Variants in MUS81 observed in about 807,000 individuals in gnomAD.
The protein encoded by MUS81 is structure-specific endonuclease subunit MUS81.
MUS81 carries 69 observed loss-of-function variants against 74.2 expected under a neutral mutation model. That is an observed-to-expected ratio of 0.93 (90% CI 0.77 to 1.14). MUS81 has a LOEUF of 1.14. Among genes scored for constraint, MUS81 ranks in the 50% most tolerant of loss-of-function variants. The probability of loss-of-function intolerance (pLI) is 0.00; values close to 1 mark genes in which losing one functional copy is unlikely to be tolerated. For missense variants in MUS81, 711 were observed against 726.5 expected (o/e 0.98, Z 0.25); for synonymous variants, 303 against 300.6 (o/e 1.01, Z -0.08).
At chr11:65,861,825 T>C (rs1859618037) in intron 3 of MUS81, 122 bp from the exon 4 acceptor site, 1 of 786,802 alleles carries the variant, frequency 1.3e-6, no homozygotes, top group African/African-American at 1.7e-5. Context: ...ACCTGGCCCA[T>C]TTTACAGAGA....
Position 65,862,347 on chromosome 11 carries a change from G to A in MUS81, c.519+68G>A, listed in dbSNP as rs1183613343. 9 of 1,594,612 alleles carry A rather than the reference G, an allele frequency of 5.6e-6. No homozygotes were observed. The Admixed American group carries it at 1.3e-4, about 24-fold the overall frequency. Reference sequence around the variant, plus strand: ...GGCCCACCAAAGACTGCCTTTTCTTGCAGTGGGCCCATGTGTGGCCCATGG... The same window carrying A: ...GGCCCACCAAAGACTGCCTTTTCTTACAGTGGGCCCATGTGTGGCCCATGG... On this transcript the variant is annotated intron_variant, in intron 5 of 15. Transcript: ENST00000308110.
chr11:65,860,845 A>T lies in MUS81; in HGVS notation c.92A>T (p.Glu31Val). 6.5e-7 allele frequency: 1 copy of T among 1,544,120 alleles called. No individual in the cohort carries two copies. The highest frequency in any genetic ancestry group is 8.7e-7 in the Non-Finnish European group (1 of 1,147,042). The change falls in exon 1 of 16, where the codon GAG (glutamate) becomes GTG (valine). Residue 31 changes from glutamate to valine, a missense_variant. Transcript: ENST00000308110. The part of the protein sequence containing the change: ...FVRWLTEWRD[E>V]ATRSRRRTRF... ...CGCTGGCTGACCGAGTGGCGGGACG[A>T]GGCGACCCGCAGCAGGCGCCGCACG... is the stretch of plus-strand genomic sequence containing the variant.
At chr11:65,861,144 C>T in intron 2 of MUS81, 42 bp downstream of exon 2, 1 of 1,610,124 alleles carries the variant, frequency 6.2e-7, no homozygotes, top group Non-Finnish European at 8.5e-7. Context: ...CCACCTCCCC[C>T]AGGTGGAGCC....
intron 8 of MUS81, 26 bp from the exon 9 acceptor site, chr11:65,863,574 C>A: frequency 6.2e-7 from 1 of 1,613,922 alleles, no homozygotes; most frequent in Non-Finnish European, 8.5e-7. Context: ...CTGCTCTGAT[C>A]TAGGCTTCCC....
chr11:65,865,188 C>T (rs764534121), intron 13 of MUS81, 32 bp from the exon 14 acceptor site: 1 of 1,614,134 alleles, frequency 6.2e-7, no homozygotes, highest in South Asian at 1.1e-5. Context: ...CTGGCCCAGA[C>T]CCCCACTGAT....
chr11:65,861,090 C>T lies in MUS81; in HGVS notation c.253C>T (p.Arg85Ter), dbSNP rs1211738573. 3 of 1,612,392 alleles carry T rather than the reference C, an allele frequency of 1.9e-6. No homozygotes were observed. The highest frequency in any genetic ancestry group is 2.5e-6 in the Non-Finnish European group (3 of 1,179,966). ...RMLDERLQRH[R>*]TSGGDHAPDS... is the part of the protein sequence containing the mutation. ...GCTGGACGAGCGGCTGCAGCGGCAC[C>T]GAACATCGGGCGGTGAGCGCCTCGG... Residue 85 changes from arginine (R) to a stop codon, truncating the protein, a stop_gained, in exon 2 of 16, where the codon CGA becomes TGA. Transcript: ENST00000308110. LOFTEE classifies it high-confidence loss of function.
At chr11:65,862,941 C>A in intron 6 of MUS81, 124 bp from the exon 7 acceptor site, 2 of 1,221,918 alleles carry the variant, frequency 1.6e-6, no homozygotes, top group Non-Finnish European at 2.4e-6. Context: ...GGAGCAGGAG[C>A]CACTGGGGTC....
At position 65,863,195 on chromosome 11, in the gene MUS81, T is replaced by A. The variant is rs1565266965; in HGVS notation, c.736T>A (p.Ser246Thr). 2.5e-6 allele frequency: 4 copies of A among 1,612,796 alleles called. No homozygotes were observed. Among genetic ancestry groups the A allele is most frequent in the African/African-American group, 1.3e-5 (1 of 74,838 alleles). ...GGAGACAGCAGTGCCAGGAGCAGCTTCAGCAGAGCTGTGAGGAGGAGGGCA... is the reference window on the plus strand; with the variant it reads ...GGAGACAGCAGTGCCAGGAGCAGCTACAGCAGAGCTGTGAGGAGGAGGGCA... The part of the protein sequence containing the change: ...GEETAVPGAA[S>T]AELASEAGVQ... Residue 246 changes from serine (S) to threonine (T), a missense_variant, in exon 7 of 16, where the codon TCA becomes ACA. Coordinates refer to ENST00000308110, the MANE Select transcript of MUS81 (RefSeq NM_025128.5).
At chr11:65,864,645 G>C in intron 11 of MUS81, 32 bp downstream of exon 11, 3 of 1,612,788 alleles carry the variant, frequency 1.9e-6, no homozygotes, top group Non-Finnish European at 2.5e-6. Context: ...AGGCAGGCAG[G>C]CAGGGGCCCC....
chr11:65,865,927 G>T (rs780168643), intron 15 of MUS81, 33 bp downstream of exon 15: 2 of 1,614,066 alleles, frequency 1.2e-6, no homozygotes, highest in Non-Finnish European at 1.7e-6. Flanking sequence ...GGAGGGAGTG[G>T]CAGGGACTGG....
chr11:65,863,151 C>T lies in MUS81; in HGVS notation c.692C>T (p.Pro231Leu), dbSNP rs759971585. The T allele has an allele frequency of 1.9e-6, 3 of 1,614,026 alleles. No homozygotes were observed. The highest frequency in any genetic ancestry group is 8.5e-7 in the Non-Finnish European group (1 of 1,179,980). Residue 231 changes from proline (P) to leucine (L), a missense_variant, in exon 7 of 16, where the codon CCC becomes CTC. Physicochemically the swap from Pro to Leu is moderately conservative, Grantham distance 98. Transcript: ENST00000308110. ...AGCTTGCTGAATGTGGGCATCGGGC[C>T]CAAGGAGCCCCCTGGGGAGGAGACA... ...GLSLLNVGIG[P>L]KEPPGEETAV... is the part of the protein sequence containing the mutation.
intron 5 of MUS81, 55 bp from the exon 6 acceptor site, chr11:65,862,389 C>T: frequency 6.3e-7 from 1 of 1,591,418 alleles, no homozygotes; most frequent in South Asian, 1.1e-5. Context: ...ACACAGGGAA[C>T]ATGGACTTGT....
chr11:65,863,627 A>G lies in MUS81; in HGVS notation c.867A>G (p.Arg289=), dbSNP rs1237900165. ...RGGGHRPELL[R]ELQRLHVTHT... ...GCGGGCACAGGCCGGAGCTGCTCCG[A>G]GAGCTACAGCGGCTGCACGTGACCC... Residue 289 remains arginine, a synonymous_variant, in exon 9 of 16, where the codon CGA becomes CGG. Coordinates refer to ENST00000308110, the MANE Select transcript of MUS81 (RefSeq NM_025128.5). 6.2e-7 allele frequency: 1 copy of G among 1,614,000 alleles called. No individual in the cohort carries two copies. The highest frequency in any genetic ancestry group is 1.1e-5 in the South Asian group (1 of 91,074).
At chr11:65,860,095 C>T (rs897208870), upstream of MUS81, 9 of 362,452 alleles carry the variant, frequency 2.5e-5, no homozygotes, top group Non-Finnish European at 4.6e-5. Flanking sequence ...GCCCTGTATC[C>T]CGGGGATGAG....
At chr11:65,864,884 G>A (rs1016903793) in intron 12 of MUS81, 69 bp downstream of exon 12, 2 of 1,579,500 alleles carry the variant, frequency 1.3e-6, no homozygotes, top group Middle Eastern at 1.7e-4. Flanking sequence ...TGGGCCCTGT[G>A]CATCCCCAAA....
chr11:65,866,068 C>G lies in MUS81; in HGVS notation c.*16C>G, dbSNP rs1352760672. 6.2e-6 allele frequency: 10 copies of G among 1,610,472 alleles called. No homozygotes were observed. The highest frequency in any genetic ancestry group is 8.5e-6 in the Non-Finnish European group (10 of 1,178,220). On this transcript the variant is annotated 3_prime_UTR_variant, in exon 16 of 16. Transcript: ENST00000308110. Reference sequence around the variant, plus strand: ...CTTGACCTGAGCTTATGCCGTGAAACAGCCCCCAGCCCCCGTCTGTCCCCC... The same window carrying G: ...CTTGACCTGAGCTTATGCCGTGAAAGAGCCCCCAGCCCCCGTCTGTCCCCC...
In MUS81 at chr11:65,861,484, A is replaced by G. The variant is rs750825947; in HGVS notation, c.351+49A>G. ...GAAGGCAAAGTGGGAGTGCGGGAGT[A>G]TGATTTTCTGGCTTGGGGGATTTGG... On this transcript the variant is annotated intron_variant, in intron 3 of 15. Transcript: ENST00000308110. 4.7e-6 allele frequency: 7 copies of G among 1,505,366 alleles called. 1 individual carries two copies. In the South Asian group the frequency reaches 8.4e-5, roughly 18 times the overall value. The allele number at this position is 1,505,366 out of a possible 1,614,324, so 93.3% of individuals were successfully genotyped here. A position where few individuals can be genotyped will look rare whatever the true frequency, so the allele number is the denominator to read the frequency against.
chr11:65,860,209 C>A (rs1369085811), upstream of MUS81: 1 of 454,320 alleles, frequency 2.2e-6, no homozygotes, highest in East Asian at 7.0e-5. Flanking sequence ...TACGTTTGCA[C>A]CCGTTTGTCT....
intron 6 of MUS81, 55 bp downstream of exon 6, chr11:65,862,584 C>G: frequency 6.6e-7 from 1 of 1,510,248 alleles, no homozygotes; most frequent in African/African-American, 1.4e-5. Flanking sequence ...TTAGTAGGGC[C>G]TTAGAGTCAC....
Sources: allele counts gnomAD v4.1 joint callset, GRCh38; gene constraint gnomAD v4.1.1; transcripts MANE v1.5; gene names NCBI Gene and HGNC (gene_info 2026-07-23, HGNC 2026-07-21).